SESTD1: variants seen among roughly 807,000 people sequenced by gnomAD.
SESTD1 encodes SEC14 domain and spectrin repeat-containing protein 1.
Under a neutral mutation model 101.7 loss-of-function variants are expected in SESTD1, and 43 were observed. The observed-to-expected ratio is 0.42, with a 90% CI of 0.33 to 0.55. The LOEUF (loss-of-function observed/expected upper bound fraction) is 0.55, where lower values mean the gene tolerates loss of function less well. Ranked by LOEUF, SESTD1 falls within the 20% of genes least tolerant of loss-of-function variation. The pLI, the probability that SESTD1 is intolerant of heterozygous loss-of-function variation, is 0.07. For synonymous variants in SESTD1, 283 were observed against 286.8 expected (o/e 0.99, Z 0.13); for missense variants, 647 against 815.1 (o/e 0.79, Z 2.51).
rs144895302 is a variant in SESTD1 at position 179,191,540 on chromosome 2, C to T, written c.55+247G>A. Among the ~76,000 whole-genome samples, 4 of 152,088 alleles carry T rather than the reference C, an allele frequency of 2.6e-5. No homozygotes were observed. The East Asian group carries it at 7.7e-4, about 29-fold the overall frequency. On this transcript the variant is annotated intron_variant, in intron 2 of 17. Transcript: ENST00000428443. Reference sequence around the variant, plus strand: ...CCAAACCTTAGTATCATGTAATATACCCATGCAACAGACAGGCACATGTAC... The same window carrying T: ...CCAAACCTTAGTATCATGTAATATATCCATGCAACAGACAGGCACATGTAC...
Position 179,144,740 on chromosome 2 carries a change from T to G in SESTD1, c.638-937A>C, listed in dbSNP as rs547006584. On this transcript the variant is annotated intron_variant, in intron 8 of 17. Coordinates refer to ENST00000428443, the MANE Select transcript of SESTD1 (RefSeq NM_178123.5). ...TCTAATTTCTAAAAGTACCCATGAT[T>G]GTTCTAAACCTTTTTGTTTTATACT... Among the ~76,000 whole-genome samples the G allele has an allele frequency of 5.9e-5, 9 of 152,212 alleles. No homozygotes were observed. In the South Asian group the frequency reaches 1.9e-3, roughly 32 times the overall value.
intron 1 of SESTD1, among the ~76,000 whole-genome samples, chr2:179,246,714 T>C (rs961822313): frequency 2.0e-5 from 3 of 152,094 alleles, no homozygotes; most frequent in Non-Finnish European, 4.4e-5. Context: ...ATAAAGCAAA[T>C]CTCAACAAAT....
intron 10 of SESTD1, 70 bp from the exon 11 acceptor site, chr2:179,124,628 T>C: frequency 1.5e-6 from 2 of 1,309,530 alleles, no homozygotes; most frequent in Non-Finnish European, 1.0e-6. Flanking sequence ...ATTTTATAAT[T>C]TCTCCAGATA....
intron 1 of SESTD1, among the ~76,000 whole-genome samples, chr2:179,239,353 T>C (rs928604917): frequency 1.3e-5 from 2 of 152,110 alleles, no homozygotes; most frequent in Admixed American, 1.3e-4. Context: ...ATAGTTCATA[T>C]AATGACTCTC....
chr2:179,173,705 G>A (rs770634860), intron 4 of SESTD1, among the ~76,000 whole-genome samples: 3 of 152,076 alleles, frequency 2.0e-5, no homozygotes, highest in Non-Finnish European at 4.4e-5. Context: ...CATTCTTTCC[G>A]AAAGGTCCAG....
At chr2:179,228,160 T>C (rs1307404097) in intron 1 of SESTD1, among the ~76,000 whole-genome samples, 1 of 152,134 alleles carries the variant, frequency 6.6e-6, no homozygotes, top group African/African-American at 2.4e-5. Flanking sequence ...TATAGTGTCA[T>C]TTAGTGTGTT....
intron 5 of SESTD1, among the ~76,000 whole-genome samples, chr2:179,164,751 A>C (rs1346218346): frequency 6.6e-6 from 1 of 152,172 alleles, no homozygotes; most frequent in Non-Finnish European, 1.5e-5. Flanking sequence ...AAAATTTAGA[A>C]AGTATCATGG....
chr2:179,123,575 A>G, intron 12 of SESTD1, 140 bp downstream of exon 12: 1 of 632,576 alleles, frequency 1.6e-6, no homozygotes, highest in South Asian at 2.2e-5. Flanking sequence ...TCAAGGGAAT[A>G]AAATCTTTTT....
intron 1 of SESTD1, among the ~76,000 whole-genome samples, chr2:179,240,686 A>G (rs1311935271): frequency 6.6e-6 from 1 of 152,130 alleles, no homozygotes; most frequent in African/African-American, 2.4e-5. Flanking sequence ...CACTGGCCTC[A>G]CCCTCACCCA....
intron 1 of SESTD1, among the ~76,000 whole-genome samples, chr2:179,254,249 A>T (rs374458302): frequency 6.6e-6 from 1 of 152,206 alleles, no homozygotes; most frequent in East Asian, 1.9e-4. Flanking sequence ...TAATGAGAAA[A>T]AAAATTTAGG....
chr2:179,222,150 C>CA (rs1252452498), intron 1 of SESTD1, among the ~76,000 whole-genome samples: 4 of 151,912 alleles, frequency 2.6e-5, no homozygotes, highest in East Asian at 3.9e-4. Flanking sequence ...CTATCTATCC[C>CA]AAAAAAAGAC....
At chr2:179,209,041 C>G (rs1400418690) in intron 1 of SESTD1, among the ~76,000 whole-genome samples, 1 of 134,758 alleles carries the variant, frequency 7.4e-6, no homozygotes, top group East Asian at 2.0e-4. Flanking sequence ...ACAGTCCATG[C>G]AAATGGACAC....
chr2:179,186,946 CAA>C (rs1219325271), intron 2 of SESTD1, among the ~76,000 whole-genome samples: 3 of 151,994 alleles, frequency 2.0e-5, no homozygotes, highest in Non-Finnish European at 2.9e-5. Context: ...CATTATAAGC[CAA>C]AAGAGACTGG....
chr2:179,117,181 T>A (rs1479483949), intron 14 of SESTD1, among the ~76,000 whole-genome samples: 1 of 152,210 alleles, frequency 6.6e-6, no homozygotes, highest in African/African-American at 2.4e-5. Context: ...AAATTGTTTA[T>A]CTGGTATTGA....
chr2:179,192,304 A>G (rs1054489349), intron 1 of SESTD1, among the ~76,000 whole-genome samples: 2 of 152,218 alleles, frequency 1.3e-5, no homozygotes, highest in Non-Finnish European at 2.9e-5. Context: ...CTTATTAATT[A>G]CACAGCTTAA....
intron 1 of SESTD1, among the ~76,000 whole-genome samples, chr2:179,199,485 A>G (rs887717648): frequency 6.6e-5 from 10 of 152,282 alleles, no homozygotes; most frequent in African/African-American, 9.6e-5. Context: ...TACCAAAGCC[A>G]GGCAGAGACA....
At chr2:179,258,335 T>A (rs1337932574) in intron 1 of SESTD1, among the ~76,000 whole-genome samples, 1 of 152,178 alleles carries the variant, frequency 6.6e-6, no homozygotes, top group East Asian at 1.9e-4. Flanking sequence ...TCACAATTCA[T>A]GACCTCTCAA....
intron 1 of SESTD1, among the ~76,000 whole-genome samples, chr2:179,199,077 AAGAG>A (rs981457542): frequency 5.3e-5 from 8 of 152,290 alleles, no homozygotes; most frequent in South Asian, 2.1e-4. Context: ...ATAAAGAAAA[AAGAG>A]AGAAGAATCA....
intron 3 of SESTD1, among the ~76,000 whole-genome samples, chr2:179,177,993 T>C (rs1192152558): frequency 6.6e-6 from 1 of 152,124 alleles, no homozygotes; most frequent in African/African-American, 2.4e-5. Flanking sequence ...ATGTCCAGAA[T>C]AGGCAAATCT....
Sources: gnomAD v4.1 joint callset for allele counts (sites outside exome capture counted in the v4.1 genomes callset) on GRCh38, gnomAD v4.1.1 for gene constraint, MANE v1.5 for transcripts, NCBI Gene and HGNC (gene_info 2026-07-23, HGNC 2026-07-21) for gene names.